The following NCKAP5 variants were observed in gnomAD, a reference collection of about 807,000 sequenced individuals.
The protein encoded by NCKAP5 is NCK associated protein 5.
A neutral mutation model predicts 167.0 loss-of-function variants in NCKAP5; 92 were observed. The ratio of observed to expected loss-of-function variants is 0.55; its 90% CI spans 0.47 to 0.66. NCKAP5 has a LOEUF of 0.66. NCKAP5 is among the 30% of genes least tolerant of loss of function. The pLI, the probability that NCKAP5 is intolerant of heterozygous loss-of-function variation, is 0.00. For synonymous variants in NCKAP5, 891 were observed against 877.4 expected (o/e 1.02, Z -0.27); for missense variants, 2,378 against 2,315.0 (o/e 1.03, Z -0.56).
intron 3 of NCKAP5, among the ~76,000 whole-genome samples, chr2:133,461,586 A>G (rs1455776195): frequency 6.6e-6 from 1 of 152,156 alleles, no homozygotes; most frequent in Non-Finnish European, 1.5e-5. Flanking sequence ...ACCATCCCCT[A>G]GGACATGGTC....
Position 132,796,834 on chromosome 2 carries a change from A to G in NCKAP5, c.808-105T>C, listed in dbSNP as rs1684646965. ...TCAAAAGACTTGACATTTCCAGATTAGATAATACATGTCCTAATTAAAAAA... is the reference window on the plus strand; with the variant it reads ...TCAAAAGACTTGACATTTCCAGATTGGATAATACATGTCCTAATTAAAAAA... On this transcript the variant is annotated intron_variant, in intron 11 of 19. Transcript: ENST00000409261. 9 of 758,258 alleles carry G rather than the reference A, an allele frequency of 1.2e-5. No homozygotes were observed. The East Asian group carries it at 2.4e-4, about 21-fold the overall frequency. The allele number at this position is 758,258 out of a possible 1,614,324, so 47.0% of individuals were successfully genotyped here. A position where few individuals can be genotyped will look rare whatever the true frequency, so the allele number is the denominator to read the frequency against.
chr2:132,896,380 A>G (rs1693206651), intron 8 of NCKAP5, among the ~76,000 whole-genome samples: 1 of 152,222 alleles, frequency 6.6e-6, no homozygotes, highest in East Asian at 1.9e-4. Flanking sequence ...GAGCACTAAC[A>G]GATTCATACA....
intron 4 of NCKAP5, among the ~76,000 whole-genome samples, chr2:133,276,076 A>T (rs777941252): frequency 1.1e-4 from 16 of 152,030 alleles, no homozygotes; most frequent in Non-Finnish European, 2.2e-4. Context: ...TTTACTGTGA[A>T]GACGAAGAGG....
chr2:132,846,105 C>G (rs1191834988), intron 11 of NCKAP5, among the ~76,000 whole-genome samples: 1 of 152,030 alleles, frequency 6.6e-6, no homozygotes, highest in Non-Finnish European at 1.5e-5. Flanking sequence ...AATATATCGG[C>G]TCTTGCGTGT....
intron 9 of NCKAP5, among the ~76,000 whole-genome samples, chr2:132,870,309 T>C (rs571561029): frequency 6.6e-6 from 1 of 152,218 alleles, no homozygotes; most frequent in East Asian, 1.9e-4. Context: ...ATGGCTACTG[T>C]TGATAAAATT....
At chr2:132,758,892 T>C (rs1156678960) in intron 16 of NCKAP5, among the ~76,000 whole-genome samples, 1 of 152,198 alleles carries the variant, frequency 6.6e-6, no homozygotes, top group Non-Finnish European at 1.5e-5. Context: ...AATTATTAAA[T>C]TTAAATCATC....
chr2:133,014,980 TTAAAG>T (rs1448661234), intron 6 of NCKAP5, among the ~76,000 whole-genome samples: 1 of 152,220 alleles, frequency 6.6e-6, no homozygotes, highest in Admixed American at 6.5e-5. Flanking sequence ...AATAAACACA[TTAAAG>T]TAAATTTTGA....
At chr2:132,888,601 G>A (rs1692439926) in intron 8 of NCKAP5, among the ~76,000 whole-genome samples, 1 of 152,056 alleles carries the variant, frequency 6.6e-6, no homozygotes, top group Non-Finnish European at 1.5e-5. Context: ...ATGTTGGTCA[G>A]CCTGGTCTTG....
At chr2:133,031,328 T>G (rs534206800) in intron 6 of NCKAP5, among the ~76,000 whole-genome samples, 1 of 152,112 alleles carries the variant, frequency 6.6e-6, no homozygotes, top group Non-Finnish European at 1.5e-5. Context: ...AAGCATCAAA[T>G]TCAGTGCTAT....
intron 8 of NCKAP5, among the ~76,000 whole-genome samples, chr2:132,894,868 C>G (rs1280943832): frequency 2.0e-5 from 3 of 151,986 alleles, no homozygotes; most frequent in Non-Finnish European, 4.4e-5. Context: ...CCAGGAGGCT[C>G]GCAGCCTCCT....
At chr2:133,547,632 C>T (rs13013904) in intron 2 of NCKAP5, among the ~76,000 whole-genome samples, 39,193 of 148,402 alleles carry the variant, frequency 0.26, 5,472 homozygotes, top group East Asian at 0.36. Context: ...ACACCTCACA[C>T]GGCAGGGTAT....
At chr2:133,596,285 C>T in the NCKAP5 span, 128 of 152,816 alleles carry the variant, frequency 8.4e-4, 8 homozygotes, top group Middle Eastern at 3.4e-3. Context: ...CAAGGGTATA[C>T]GAGTAGCTGT....
Position 132,963,087 on chromosome 2 carries a change from CT to C in NCKAP5, c.579+632del, listed in dbSNP as rs561544156. ...ATCAAGAACTAGTAACTAGAATGGTCTTTGATGACTGCTATAAAAATTCATG... is the reference window on the plus strand; with the variant it reads ...ATCAAGAACTAGTAACTAGAATGGTCTTGATGACTGCTATAAAAATTCATG... On this transcript the variant is annotated intron_variant, in intron 8 of 19. Coordinates refer to ENST00000409261, the MANE Select transcript of NCKAP5 (RefSeq NM_207363.3). 3.5e-4 allele frequency among the ~76,000 whole-genome samples: 53 copies of C among 152,024 alleles called. No homozygotes were observed. The East Asian group carries it at 0.01, about 29-fold the overall frequency.
At chr2:133,618,230 G>C in the NCKAP5 span, among the ~76,000 whole-genome samples, 1 of 151,772 alleles carries the variant, frequency 6.6e-6, no homozygotes, top group African/African-American at 2.4e-5. Flanking sequence ...TTACCATTCA[G>C]GACATAGGCA....
chr2:133,222,624 A>G (rs1264789414), intron 4 of NCKAP5, among the ~76,000 whole-genome samples: 1 of 134,960 alleles, frequency 7.4e-6, no homozygotes, highest in African/African-American at 2.5e-5. Context: ...CAAAATAGTT[A>G]TAAAAACAGT....
chr2:133,431,279 T>C (rs1482877162), intron 3 of NCKAP5, among the ~76,000 whole-genome samples: 9 of 152,190 alleles, frequency 5.9e-5, no homozygotes, highest in Admixed American at 5.9e-4. Context: ...TGGTCAGTCA[T>C]ACTCTCCATG....
At chr2:132,966,740 C>T (rs66615549) in intron 7 of NCKAP5, among the ~76,000 whole-genome samples, 28,561 of 152,150 alleles carry the variant, frequency 0.19, 3,743 homozygotes, top group East Asian at 0.63. Context: ...GCCAACAGCA[C>T]TGTAACTCAT....
At chr2:132,675,225 T>G (rs13386553) in intron 19 of NCKAP5, among the ~76,000 whole-genome samples, 8,096 of 152,232 alleles carry the variant, frequency 0.053, 663 homozygotes, top group African/African-American at 0.18. Flanking sequence ...TCCTGCAGGG[T>G]GATCATTGAG....
intron 17 of NCKAP5, among the ~76,000 whole-genome samples, chr2:132,730,536 T>C (rs1690895871): frequency 6.6e-6 from 1 of 152,140 alleles, no homozygotes; most frequent in Non-Finnish European, 1.5e-5. Flanking sequence ...CTTAGATACC[T>C]GGTGCAGTGG....
Sources: gnomAD v4.1 joint callset for allele counts (sites outside exome capture counted in the v4.1 genomes callset) on GRCh38, gnomAD v4.1.1 for gene constraint, MANE v1.5 for transcripts, NCBI Gene and HGNC (gene_info 2026-07-23, HGNC 2026-07-21) for gene names.